NEMF: variants seen among roughly 807,000 people sequenced by gnomAD.
The protein encoded by NEMF is nuclear export mediator factor, also known as ribosome quality control complex subunit NEMF.
In NEMF, 89 loss-of-function variants were observed where a neutral mutation model predicts 162.2. The observed-to-expected ratio is 0.55, with a 90% confidence interval of 0.46 to 0.65. The LOEUF (loss-of-function observed/expected upper bound fraction) is 0.65. Among genes scored for constraint, NEMF ranks in the 30% least tolerant of loss-of-function variants. The pLI, the probability that NEMF is intolerant of heterozygous loss-of-function variation, is 0.00. For missense variants in NEMF, 1,133 were observed against 1,261.9 expected (o/e 0.90, Z 1.55); for synonymous variants, 421 against 404.5 (o/e 1.04, Z -0.49).
At chr14:49,788,276 CAAAA>C (rs35896786) in intron 28 of NEMF, among the ~76,000 whole-genome samples, 4 of 78,562 alleles carry the variant, frequency 5.1e-5, no homozygotes, top group African/African-American at 2.0e-4. Context: ...AAGACTGCCT[CAAAA>C]AAAAAAAAAA....
chr14:49,785,161 C>G, intron 30 of NEMF, 26 bp from the exon 31 acceptor site: 1 of 1,600,430 alleles, frequency 6.2e-7, no homozygotes, highest in Non-Finnish European at 8.6e-7. Flanking sequence ...ACATGTGTTA[C>G]TAAATAGACG....
At chr14:49,797,945 T>C (rs1890768471) in intron 25 of NEMF, among the ~76,000 whole-genome samples, 1 of 152,198 alleles carries the variant, frequency 6.6e-6, no homozygotes, top group Admixed American at 6.5e-5. Flanking sequence ...TACTCAGGTT[T>C]TCTCTCACAT....
rs1448698113 is a variant in NEMF, at chr14:49,800,136, C to A, written c.2372+284G>T. ...GATGATCTGCAAAACATTATATAGACTAAAACACATTTCTTTGATGGAATT... is the reference window on the plus strand; with the variant it reads ...GATGATCTGCAAAACATTATATAGAATAAAACACATTTCTTTGATGGAATT... On this transcript the variant is annotated intron_variant, in intron 23 of 32. Transcript: ENST00000298310. Among the ~76,000 whole-genome samples the A allele has an allele frequency of 5.3e-5, 8 of 152,196 alleles. No homozygotes were observed. In the East Asian group the frequency reaches 1.3e-3, roughly 26 times the overall value.
At chr14:49,813,894 A>T in intron 18 of NEMF, 94 bp downstream of exon 18, 1 of 739,106 alleles carries the variant, frequency 1.4e-6, no homozygotes, top group Non-Finnish European at 2.4e-6. Flanking sequence ...ATGAGCCACC[A>T]CATCTGGCCC....
chr14:49,839,101 A>C (rs1893066344), intron 5 of NEMF, among the ~76,000 whole-genome samples: 1 of 150,026 alleles, frequency 6.7e-6, no homozygotes, highest in African/African-American at 2.5e-5. Context: ...TTTTTGAGAC[A>C]GAGTTTTGCT....
In NEMF at chr14:49,799,503, G is replaced by A. The variant is rs374748527; in HGVS notation, c.2437C>T (p.Arg813Trp). 72 of 1,611,248 alleles carry A rather than the reference G, an allele frequency of 4.5e-5. No individual in the cohort carries two copies. Among genetic ancestry groups the A allele is most frequent in the South Asian group, 1.0e-4 (9 of 90,394 alleles). The change falls in exon 25 of 33, where the codon CGG becomes TGG. Residue 813 changes from arginine to tryptophan, a missense_variant. Coordinates refer to ENST00000298310, the MANE Select transcript of NEMF (RefSeq NM_004713.6). ...CTTTCCTTGGCTGACAAATGTCTCC[G>A]GCTCTGTGATTTACTGTCACTCTAT... ...SNSSDSKSQS[R>W]RHLSAKERRE... is the part of the protein sequence containing the mutation.
chr14:49,786,481 C>G, intron 29 of NEMF: 1 of 517,034 alleles, frequency 1.9e-6, no homozygotes, highest in Non-Finnish European at 3.4e-6. Flanking sequence ...CAAAACAACC[C>G]TCTCCTGGGT....
At chr14:49,798,394 C>T (rs983056337) in intron 25 of NEMF, among the ~76,000 whole-genome samples, 15 of 152,160 alleles carry the variant, frequency 9.9e-5, no homozygotes, top group African/African-American at 3.4e-4. Flanking sequence ...AATTATCTTG[C>T]TCGCTTTCAT....
Position 49,828,853 on chromosome 14 carries a change from C to T in NEMF, c.1233-46G>A, listed in dbSNP as rs372713095. 9.5e-5 allele frequency: 136 copies of T among 1,428,628 alleles called. No individual in the cohort carries two copies. In the East Asian group the frequency reaches 2.6e-3, roughly 27 times the overall value. The allele number at this position is 1,428,628 out of a possible 1,614,324, so 88.5% of individuals were successfully genotyped here. ...CATTTCACTAACGTCAATGACATCA[C>T]TTTTATTTTCAATTTTCTTCTTCAA... On this transcript the variant is annotated intron_variant, in intron 13 of 32. Coordinates refer to ENST00000298310, the MANE Select transcript of NEMF (RefSeq NM_004713.6).
chr14:49,782,971 C>G lies in NEMF; in HGVS notation c.*1665G>C. The G allele has an allele frequency of 6.2e-7, 1 of 1,607,194 alleles. No individual in the cohort carries two copies. Among genetic ancestry groups the G allele is most frequent in the Admixed American group, 1.7e-5 (1 of 58,798 alleles). On this transcript the variant is annotated 3_prime_UTR_variant, in exon 33 of 33. Coordinates refer to ENST00000298310, the MANE Select transcript of NEMF (RefSeq NM_004713.6). ...GATCTTAAGGCTTCATAAATAATGC[C>G]TATGATCACCTTGCATGGACAGCAA...
chr14:49,826,089 C>G (rs952265269), intron 15 of NEMF, 134 bp from the exon 16 acceptor site: 1 of 568,116 alleles, frequency 1.8e-6, no homozygotes, highest in African/African-American at 1.9e-5. Flanking sequence ...CAAACACACA[C>G]ACACACAAAT....
rs755676457 is a variant in NEMF, at chr14:49,846,239, T to C, written c.258A>G (p.Arg86=). Residue 86 remains arginine, a synonymous_variant, in exon 4 of 33, where the codon AGA becomes AGG. Transcript: ENST00000298310. Reference sequence around the variant, plus strand: ...CACCAAGCTGTTTTGCACTGACTAATCTCCGACTCTTCAAATGTTTTCGGC... The same window carrying C: ...CACCAAGCTGTTTTGCACTGACTAACCTCCGACTCTTCAAATGTTTTCGGC... The part of the protein sequence containing the change: ...MKCRKHLKSR[R]LVSAKQLGVD... 1 of 1,611,782 alleles carries C rather than the reference T, an allele frequency of 6.2e-7. No homozygotes were observed. Among genetic ancestry groups the C allele is most frequent in the Admixed American group, 1.7e-5 (1 of 59,046 alleles).
At chr14:49,826,436 G>T (rs951916897) in intron 15 of NEMF, among the ~76,000 whole-genome samples, 2 of 151,534 alleles carry the variant, frequency 1.3e-5, no homozygotes, top group Non-Finnish European at 2.9e-5. Context: ...GATTTACACT[G>T]GGTTATGGTC....
At chr14:49,817,515 C>T (rs992962184) in intron 16 of NEMF, among the ~76,000 whole-genome samples, 2 of 151,956 alleles carry the variant, frequency 1.3e-5, no homozygotes, top group Non-Finnish European at 2.9e-5. Flanking sequence ...CTAGTTACAC[C>T]TGACAAACAA....
At chr14:49,829,587 C>T (rs116132944) in intron 11 of NEMF, among the ~76,000 whole-genome samples, 161 bp from the exon 12 acceptor site, 442 of 152,278 alleles carry the variant, frequency 2.9e-3, no homozygotes, top group African/African-American at 0.01. Flanking sequence ...CACTACAATG[C>T]GTTCCATGCC....
intron 29 of NEMF, 155 bp from the exon 30 acceptor site, chr14:49,785,475 G>C: frequency 1.7e-6 from 1 of 603,172 alleles, no homozygotes; most frequent in Non-Finnish European, 3.0e-6. Context: ...CTGCTTCATA[G>C]TTCCAAAGAG....
At chr14:49,784,775 G>C in intron 32 of NEMF, 62 bp from the exon 33 acceptor site, 1 of 1,499,926 alleles carries the variant, frequency 6.7e-7, no homozygotes, top group South Asian at 1.2e-5. Flanking sequence ...TTTCTTTTAT[G>C]ACAAAAACGA....
At chr14:49,837,048 G>A (rs1892940768) in intron 6 of NEMF, among the ~76,000 whole-genome samples, 1 of 152,144 alleles carries the variant, frequency 6.6e-6, no homozygotes, top group Non-Finnish European at 1.5e-5. Context: ...GCCAAGGCAG[G>A]TGGATCACGA....
rs568677053 is a variant in NEMF at position 49,782,220 on chromosome 14, A to G, written c.*2416T>C. ...AGATATTGATTGATCTGCTTTTGCT[A>G]CTTTCCCTTAAGATTTTACTTCTCG... On this transcript the variant is annotated 3_prime_UTR_variant, in exon 33 of 33. Transcript: ENST00000298310. 11 of 548,480 alleles carry G rather than the reference A, an allele frequency of 2.0e-5. No individual in the cohort carries two copies. The highest frequency in any genetic ancestry group is 9.7e-5 in the African/African-American group (5 of 51,512). 34.0% of individuals were successfully genotyped at this position (548,480 alleles called of 1,614,324 possible). A position where few individuals can be genotyped will look rare whatever the true frequency, so the allele number is the denominator to read the frequency against.
Sources: gnomAD v4.1 joint callset for allele counts (sites outside exome capture counted in the v4.1 genomes callset) on GRCh38, gnomAD v4.1.1 for gene constraint, MANE v1.5 for transcripts, NCBI Gene and HGNC (gene_info 2026-07-23, HGNC 2026-07-21) for gene names.